The following RCAN2 variants were observed in gnomAD, a reference collection of about 807,000 sequenced individuals.
RCAN2 encodes the protein regulator of calcineurin 2.
Under a neutral mutation model 23.6 loss-of-function variants are expected in RCAN2, and 9 were observed. The ratio of observed to expected loss-of-function variants is 0.38; its 90% CI spans 0.23 to 0.67. The LOEUF (loss-of-function observed/expected upper bound fraction) is 0.67, where lower values mean the gene tolerates loss of function less well. Ranked by LOEUF, RCAN2 falls within the 30% of genes least tolerant of loss-of-function variation. The probability of loss-of-function intolerance (pLI) is 0.51; values close to 1 mark genes in which losing one functional copy is unlikely to be tolerated. For missense variants in RCAN2, 273 were observed against 302.3 expected, an observed-to-expected ratio of 0.90 and a Z score of 0.72; for synonymous variants, 109 against 115.7, an observed-to-expected ratio of 0.94 and a Z score of 0.37.
intron 2 of RCAN2, among the ~76,000 whole-genome samples, chr6:46,275,972 C>A (rs1351351934): frequency 6.6e-6 from 1 of 152,048 alleles, no homozygotes; most frequent in Non-Finnish European, 1.5e-5. Context: ...CTTTGGGAGG[C>A]CAAGGGGGGT....
intron 2 of RCAN2, among the ~76,000 whole-genome samples, chr6:46,360,533 CAAAAAAAA>C (rs765916099): frequency 3.0e-5 from 1 of 33,492 alleles, no homozygotes; most frequent in Non-Finnish European, 5.0e-5. Flanking sequence ...GACTCCGTCT[CAAAAAAAA>C]AAAAAAAAAA....
chr6:46,339,014 C>CAAAAAAAAA (rs3997300), intron 2 of RCAN2, among the ~76,000 whole-genome samples: 22 of 47,102 alleles, frequency 4.7e-4, no homozygotes, highest in African/African-American at 1.3e-3. Flanking sequence ...GACCCTGTCT[C>CAAAAAAAAA]AAAAAAAAAA....
chr6:46,478,455 CCT>C (rs1218354493), intron 1 of RCAN2, among the ~76,000 whole-genome samples: 1 of 152,088 alleles, frequency 6.6e-6, no homozygotes, highest in African/African-American at 2.4e-5. Context: ...AAAAAAGTCC[CCT>C]CTTTTACAAT....
chr6:46,313,217 T>A (rs1763321348), intron 2 of RCAN2, among the ~76,000 whole-genome samples: 1 of 152,196 alleles, frequency 6.6e-6, no homozygotes, highest in African/African-American at 2.4e-5. Flanking sequence ...ACTACTCTCT[T>A]ACAGGCTTCC....
At chr6:46,274,065 T>C (rs1395150771) in intron 2 of RCAN2, among the ~76,000 whole-genome samples, 1 of 152,220 alleles carries the variant, frequency 6.6e-6, no homozygotes, top group Admixed American at 6.5e-5. Context: ...ATTTGGACTC[T>C]GATTATTTTA....
intron 2 of RCAN2, among the ~76,000 whole-genome samples, chr6:46,397,727 C>G (rs938295244): frequency 6.6e-6 from 1 of 152,010 alleles, no homozygotes; most frequent in African/African-American, 2.4e-5. Flanking sequence ...AGCTCTCATC[C>G]CAAAGTAGTC....
At chr6:46,325,667 A>G in intron 2 of RCAN2, 5 of 1,392,738 alleles carry the variant, frequency 3.6e-6, no homozygotes, top group Non-Finnish European at 3.7e-6. Flanking sequence ...AGCACAGCAG[A>G]GTAACGAACG....
At chr6:46,430,413 T>C (rs1329969116) in intron 2 of RCAN2, among the ~76,000 whole-genome samples, 2 of 152,122 alleles carry the variant, frequency 1.3e-5, no homozygotes, top group Non-Finnish European at 2.9e-5. Context: ...TTCTATATCA[T>C]GAGACATCAA....
At chr6:46,325,158 C>A (rs1763751089) in intron 2 of RCAN2, among the ~76,000 whole-genome samples, 1 of 152,116 alleles carries the variant, frequency 6.6e-6, no homozygotes, top group South Asian at 2.1e-4. Flanking sequence ...CCAGGGATTA[C>A]CTAATAAAAA....
chr6:46,275,558 A>G (rs532875794), intron 2 of RCAN2, among the ~76,000 whole-genome samples: 1 of 152,290 alleles, frequency 6.6e-6, no homozygotes, highest in East Asian at 1.9e-4. Context: ...GACACTAAAA[A>G]TCATAAAATC....
At chr6:46,319,512 GT>G (rs1763541675) in intron 2 of RCAN2, among the ~76,000 whole-genome samples, 1 of 152,090 alleles carries the variant, frequency 6.6e-6, no homozygotes, top group Non-Finnish European at 1.5e-5. Context: ...CAAGTTTTTA[GT>G]TGATTTCCCC....
intron 2 of RCAN2, among the ~76,000 whole-genome samples, chr6:46,397,946 G>A (rs938099664): frequency 2.6e-5 from 4 of 152,046 alleles, no homozygotes; most frequent in African/African-American, 4.8e-5. Flanking sequence ...ATTTAAGTGC[G>A]CTAACAATAG....
At chr6:46,416,855 T>C (rs914147098) in intron 2 of RCAN2, among the ~76,000 whole-genome samples, 2 of 152,184 alleles carry the variant, frequency 1.3e-5, no homozygotes, top group African/African-American at 4.8e-5. Flanking sequence ...CAATGGTTAA[T>C]GTTTTGATAG....
intron 4 of RCAN2, among the ~76,000 whole-genome samples, chr6:46,235,568 T>C (rs1766061954): frequency 6.6e-6 from 1 of 152,202 alleles, no homozygotes; most frequent in Non-Finnish European, 1.5e-5. Flanking sequence ...ATGTCTAAAG[T>C]AGAATTATTT....
At chr6:46,443,370 C>T (rs780491841) in intron 2 of RCAN2, among the ~76,000 whole-genome samples, 4 of 152,042 alleles carry the variant, frequency 2.6e-5, no homozygotes, top group African/African-American at 9.7e-5. Context: ...AGATCCCTAG[C>T]GTGAATTTTC....
intron 2 of RCAN2, among the ~76,000 whole-genome samples, chr6:46,253,216 A>G (rs770211029): frequency 3.9e-5 from 6 of 152,230 alleles, no homozygotes; most frequent in Admixed American, 2.0e-4. Flanking sequence ...TATCTTATTC[A>G]AAAGCTGTGG....
intron 3 of RCAN2, 53 bp downstream of exon 3, chr6:46,248,670 G>C: frequency 7.2e-7 from 1 of 1,395,202 alleles, no homozygotes; most frequent in Non-Finnish European, 9.7e-7. Flanking sequence ...ATTTTAAAAT[G>C]GTAAAAAATA....
chr6:46,359,436 G>C (rs2150382496), intron 2 of RCAN2, among the ~76,000 whole-genome samples: 1 of 152,332 alleles, frequency 6.6e-6, no homozygotes, highest in East Asian at 1.9e-4. Context: ...ATTCGGCCTA[G>C]AGTCTAAAGA....
rs1765460646 is a variant in RCAN2 at position 46,221,070 on chromosome 6, TACTA to T, written c.*2067_*2070del. The T allele has an allele frequency of 6.6e-6, 1 of 151,510 alleles. No homozygotes were observed. Among genetic ancestry groups the T allele is most frequent in the Admixed American group, 6.6e-5 (1 of 15,218 alleles). 9.4% of individuals were successfully genotyped at this position (151,510 alleles called of 1,614,324 possible). A position where few individuals can be genotyped will look rare whatever the true frequency, so the allele number is the denominator to read the frequency against. On this transcript the variant is annotated 3_prime_UTR_variant, in exon 5 of 5. Coordinates refer to ENST00000371374, the MANE Select transcript of RCAN2 (RefSeq NM_001251974.2). ...AACATTGACACAGAGCAATAAGTTTTACTAAGACTAACTCCAGAGGCCATACACT... is the reference window on the plus strand; with the variant it reads ...AACATTGACACAGAGCAATAAGTTTTAGACTAACTCCAGAGGCCATACACT...
Sources: gnomAD v4.1 joint callset for allele counts (sites outside exome capture counted in the v4.1 genomes callset) on GRCh38, gnomAD v4.1.1 for gene constraint, MANE v1.5 for transcripts, NCBI Gene and HGNC (gene_info 2026-07-23, HGNC 2026-07-21) for gene names.